DNAH7: variants seen among roughly 807,000 people sequenced by gnomAD.
DNAH7 encodes the protein dynein axonemal heavy chain 7.
DNAH7 carries 397 observed loss-of-function variants against 444.6 expected under a neutral mutation model. The observed-to-expected ratio is 0.89, with a 90% confidence interval of 0.82 to 0.97. The LOEUF (loss-of-function observed/expected upper bound fraction) is 0.97, where lower values mean the gene tolerates loss of function less well. DNAH7 is among the 50% of genes least tolerant of loss of function. The pLI is 0.00. For synonymous variants in DNAH7, 1,636 were observed against 1,624.4 expected (o/e 1.01, Z -0.17); for missense variants, 4,902 against 4,800.8 (o/e 1.02, Z -0.62).
intron 5 of DNAH7, among the ~76,000 whole-genome samples, chr2:196,045,993 G>A (rs1697098734): frequency 1.3e-5 from 2 of 151,808 alleles, no homozygotes; most frequent in South Asian, 4.2e-4. Flanking sequence ...TCTATATCCT[G>A]TTTATAAAAG....
intron 46 of DNAH7, among the ~76,000 whole-genome samples, chr2:195,849,581 G>A (rs930870071): frequency 6.6e-6 from 1 of 151,928 alleles, no homozygotes; most frequent in Non-Finnish European, 1.5e-5. Context: ...GTTGCTTCTG[G>A]CATGTTTTAT....
intron 63 of DNAH7, among the ~76,000 whole-genome samples, chr2:195,743,054 GAGC>G (rs2105880606): frequency 6.6e-6 from 1 of 152,330 alleles, no homozygotes; most frequent in African/African-American, 2.4e-5. Flanking sequence ...AAGTTGGAAA[GAGC>G]AGACTTGCTA....
intron 12 of DNAH7, among the ~76,000 whole-genome samples, chr2:195,991,941 A>G (rs1044548761): frequency 1.1e-4 from 16 of 152,238 alleles, no homozygotes; most frequent in African/African-American, 3.6e-4. Flanking sequence ...AGCAACCGGA[A>G]AAATCTTATG....
chr2:195,793,790 G>C (rs1174423140), intron 57 of DNAH7, among the ~76,000 whole-genome samples: 1 of 152,026 alleles, frequency 6.6e-6, no homozygotes, highest in Non-Finnish European at 1.5e-5. Flanking sequence ...TTTTAATTAT[G>C]GCAAAACGCT....
chr2:195,751,156 TAAG>T (rs1288663128), intron 63 of DNAH7, among the ~76,000 whole-genome samples: 1 of 152,220 alleles, frequency 6.6e-6, no homozygotes, highest in Non-Finnish European at 1.5e-5. Flanking sequence ...TTGAGTATGT[TAAG>T]AATAAAGGGA....
intron 10 of DNAH7, among the ~76,000 whole-genome samples, chr2:196,011,485 A>C (rs1187855074): frequency 6.6e-6 from 1 of 152,124 alleles, no homozygotes; most frequent in Non-Finnish European, 1.5e-5. Context: ...GAACTAGAGA[A>C]ACACAGCAGC....
At chr2:195,892,509 A>G (rs990579855) in intron 30 of DNAH7, 1 of 151,320 alleles carries the variant, frequency 6.6e-6, no homozygotes, top group African/African-American at 2.4e-5. Context: ...CTGGCTTTTT[A>G]AAAAAAGGTT....
At chr2:195,833,176 G>C (rs984670664) in intron 48 of DNAH7, among the ~76,000 whole-genome samples, 2 of 152,144 alleles carry the variant, frequency 1.3e-5, no homozygotes, top group Non-Finnish European at 2.9e-5. Flanking sequence ...TTTAATAGTA[G>C]AGATCATGTT....
In DNAH7 at chr2:196,019,183, G is replaced by A. The variant is rs765591049; in HGVS notation, c.856C>T (p.His286Tyr). ...PTMLAVLDLW[H>Y]TNFKKLRLVD... is the part of the protein sequence containing the mutation. The stretch of plus-strand genomic sequence containing the variant: ...ACATATACTCACTTAAAATTAGTGT[G>A]CCACAAATCTAGTACAGCCAGCATT... Residue 286 changes from histidine to tyrosine, a missense_variant, in exon 9 of 65, where the codon CAC becomes TAC. Coordinates refer to ENST00000312428, the MANE Select transcript of DNAH7 (RefSeq NM_018897.3). The A allele has an allele frequency of 4.0e-6, 6 of 1,484,570 alleles. No individual in the cohort carries two copies. In the South Asian group the frequency reaches 6.2e-5, roughly 15 times the overall value. 92.0% of individuals were successfully genotyped at this position (1,484,570 alleles called of 1,614,324 possible).
At chr2:195,839,991 G>T (rs914138760) in intron 47 of DNAH7, among the ~76,000 whole-genome samples, 4 of 151,688 alleles carry the variant, frequency 2.6e-5, no homozygotes, top group African/African-American at 9.7e-5. Context: ...TAGGAGAGAA[G>T]ACTTCCCAAT....
At chr2:195,800,042 T>C (rs6720206) in intron 54 of DNAH7, among the ~76,000 whole-genome samples, 147,118 of 152,310 alleles carry the variant, frequency 0.97, 71,250 homozygotes, top group East Asian at 1. Flanking sequence ...GGTGTCTCTG[T>C]TAATTGGTCC....
In DNAH7 at chr2:196,024,469, C is replaced by A. The variant is rs764776065; in HGVS notation, c.703G>T (p.Asp235Tyr). Residue 235 changes from aspartate (D) to tyrosine (Y), a missense_variant, in exon 8 of 65, where the codon GAT (aspartate) becomes TAT (tyrosine). By Grantham distance (160) the Asp-to-Tyr change is radical (BLOSUM62 -3). Transcript: ENST00000312428. ...GGAAGTTCATCTGTCTTCTTATCAT[C>A]TCCTTTCTCTCGAGGATCTTTTAAA... ...FVLKDPREKG[D>Y]DKKTDELPAH... The A allele has an allele frequency of 6.3e-7, 1 of 1,583,666 alleles. No homozygotes were observed.
At chr2:195,963,752 T>G (rs1245322374) in intron 17 of DNAH7, among the ~76,000 whole-genome samples, 1 of 152,236 alleles carries the variant, frequency 6.6e-6, no homozygotes, top group Non-Finnish European at 1.5e-5. Context: ...GGTCTTAGAT[T>G]TAAGTCTTTA....
At chr2:195,932,629 G>A (rs1688775634) in intron 21 of DNAH7, among the ~76,000 whole-genome samples, 1 of 151,980 alleles carries the variant, frequency 6.6e-6, no homozygotes, top group Non-Finnish European at 1.5e-5. Flanking sequence ...TTAGAATGAA[G>A]TGTTGTTGAA....
intron 56 of DNAH7, among the ~76,000 whole-genome samples, chr2:195,796,197 G>C (rs1696126459): frequency 6.6e-6 from 1 of 152,240 alleles, no homozygotes; most frequent in Admixed American, 6.5e-5. Context: ...AAGCCTTTGA[G>C]TTGAGAGTGG....
chr2:195,804,048 GGA>G (rs1466712877), intron 54 of DNAH7, among the ~76,000 whole-genome samples: 1 of 112,244 alleles, frequency 8.9e-6, no homozygotes, highest in Admixed American at 8.9e-5. Flanking sequence ...GGTTTTGAGG[GGA>G]GAGGGGGGGA....
chr2:196,011,149 GAGA>G lies in DNAH7; in HGVS notation c.989+1635_989+1637del, dbSNP rs562495471. ...ATAGTATATTCCAAAATAGCTAGAA[GAGA>G]AGATTTGGAATGCTCCCAACACAAA... On this transcript the variant is annotated intron_variant, in intron 10 of 64. Transcript: ENST00000312428. Among the ~76,000 whole-genome samples the G allele has an allele frequency of 5.3e-5, 8 of 152,266 alleles. No homozygotes were observed. In the South Asian group the frequency reaches 1.5e-3, roughly 28 times the overall value.
intron 19 of DNAH7, among the ~76,000 whole-genome samples, chr2:195,943,603 G>A (rs1689609726): frequency 6.6e-6 from 1 of 152,144 alleles, no homozygotes; most frequent in South Asian, 2.1e-4. Flanking sequence ...CAGCTTGAGT[G>A]CACCCAGCAG....
In DNAH7 at chr2:195,742,719, T is replaced by C. The variant is rs147431981; in HGVS notation, c.11765-1850A>G. 8.0e-4 allele frequency among the ~76,000 whole-genome samples: 122 copies of C among 152,332 alleles called. No individual in the cohort carries two copies. The East Asian group carries it at 0.02, about 25-fold the overall frequency. The stretch of plus-strand genomic sequence containing the variant: ...CACATAGTGTCAGCTATGGTTTTTC[T>C]AGTTCCTCTCTTTTACACTATTCTC... On this transcript the variant is annotated intron_variant, in intron 63 of 64. Coordinates refer to ENST00000312428, the MANE Select transcript of DNAH7 (RefSeq NM_018897.3).
Sources: gnomAD v4.1 joint callset for allele counts (sites outside exome capture counted in the v4.1 genomes callset) on GRCh38, gnomAD v4.1.1 for gene constraint, MANE v1.5 for transcripts, NCBI Gene and HGNC (gene_info 2026-07-23, HGNC 2026-07-21) for gene names.